SMOC1: variants seen among roughly 807,000 people sequenced by gnomAD.
SMOC1 encodes the protein SPARC-related modular calcium-binding protein 1.
A neutral mutation model predicts 56.3 loss-of-function variants in SMOC1; 22 were observed. The ratio of observed to expected loss-of-function variants is 0.39; its 90% confidence interval spans 0.28 to 0.56. The LOEUF is 0.56. SMOC1 is among the 20% of genes least tolerant of loss of function. The pLI, the probability that SMOC1 is intolerant of heterozygous loss-of-function variation, is 0.61. For synonymous variants in SMOC1, 193 were observed against 215.0 expected, an observed-to-expected ratio of 0.90 and a Z score of 0.89; for missense variants, 509 against 565.4, an observed-to-expected ratio of 0.90 and a Z score of 1.01.
At chr14:69,922,296 A>T (rs756184906) in intron 1 of SMOC1, among the ~76,000 whole-genome samples, 3 of 152,242 alleles carry the variant, frequency 2.0e-5, no homozygotes, top group Admixed American at 6.5e-5. Flanking sequence ...CCCAATAAAC[A>T]GTGGTGATGT....
At chr14:69,901,241 T>G (rs1170137861) in intron 1 of SMOC1, among the ~76,000 whole-genome samples, 4 of 152,222 alleles carry the variant, frequency 2.6e-5, no homozygotes, top group African/African-American at 9.6e-5. Context: ...ATTGTTAAGG[T>G]ACATTTGCCC....
At chr14:69,912,341 C>T (rs116371766) in intron 1 of SMOC1, among the ~76,000 whole-genome samples, 2,154 of 152,228 alleles carry the variant, frequency 0.014, 46 homozygotes, top group African/African-American at 0.049. Context: ...CTTGAACTCC[C>T]GGCTTCAAGC....
At chr14:69,892,003 G>A (rs145259482) in intron 1 of SMOC1, among the ~76,000 whole-genome samples, 68 of 152,192 alleles carry the variant, frequency 4.5e-4, no homozygotes, top group African/African-American at 1.6e-3. Flanking sequence ...GGGATGGTAA[G>A]TTTTTAAAAA....
chr14:69,947,859 C>T (rs1882847077), intron 1 of SMOC1, among the ~76,000 whole-genome samples: 1 of 152,214 alleles, frequency 6.6e-6, no homozygotes, highest in Admixed American at 6.5e-5. Context: ...TAGAACATGT[C>T]CATCATGGTG....
In SMOC1 at chr14:69,964,055, A is replaced by G. The variant is rs535015761; in HGVS notation, c.378+10523A>G. ...ACTCTCTGCTCTGTCCTGCTCTTCAATGGCTGTTTTCTAGCTGAATGGCCA... is the reference window on the plus strand; with the variant it reads ...ACTCTCTGCTCTGTCCTGCTCTTCAGTGGCTGTTTTCTAGCTGAATGGCCA... On this transcript the variant is annotated intron_variant, in intron 3 of 11. Transcript: ENST00000361956. Among the ~76,000 whole-genome samples, 17 of 152,222 alleles carry G rather than the reference A, an allele frequency of 1.1e-4. No homozygotes were observed. The South Asian group carries it at 3.5e-3, about 32-fold the overall frequency.
At chr14:70,015,627 G>A (rs1357796151) in intron 10 of SMOC1, among the ~76,000 whole-genome samples, 1 of 152,022 alleles carries the variant, frequency 6.6e-6, no homozygotes, top group Non-Finnish European at 1.5e-5. Flanking sequence ...TGGGGGCCAG[G>A]CCTCCTCCAG....
In SMOC1 at chr14:70,030,375, C is replaced by T. The variant is rs1012758803; in HGVS notation, c.*117C>T. ...CATCCCGTGTAACATAAGTGGTGCC[C>T]ACCATGTTTGCACTTTTAATAACTC... is the stretch of plus-strand genomic sequence containing the variant. On this transcript the variant is annotated 3_prime_UTR_variant, in exon 12 of 12. Coordinates refer to ENST00000361956, the MANE Select transcript of SMOC1 (RefSeq NM_001034852.3). 1 of 1,341,778 alleles carries T rather than the reference C, an allele frequency of 7.5e-7. No individual in the cohort carries two copies. The highest frequency in any genetic ancestry group is 2.1e-4 in the Middle Eastern group (1 of 4,716). The allele number at this position is 1,341,778 out of a possible 1,614,324, so 83.1% of individuals were successfully genotyped here.
chr14:69,881,269 C>T (rs1883630151), intron 1 of SMOC1, among the ~76,000 whole-genome samples: 1 of 152,124 alleles, frequency 6.6e-6, no homozygotes, highest in African/African-American at 2.4e-5. Context: ...TGCGTTCCCT[C>T]CAATAATTAG....
chr14:69,932,216 C>T (rs953617890), intron 1 of SMOC1, among the ~76,000 whole-genome samples: 2 of 152,238 alleles, frequency 1.3e-5, no homozygotes, highest in African/African-American at 4.8e-5. Flanking sequence ...GTTTTGCCTG[C>T]AGATGTGTGA....
chr14:69,912,684 C>T (rs1300914757), intron 1 of SMOC1, among the ~76,000 whole-genome samples: 1 of 152,144 alleles, frequency 6.6e-6, no homozygotes, highest in East Asian at 1.9e-4. Flanking sequence ...TTCTCAAGGT[C>T]ACAAGATGGT....
chr14:70,013,570 G>C, intron 10 of SMOC1, 79 bp downstream of exon 10: 1 of 1,221,246 alleles, frequency 8.2e-7, no homozygotes, highest in East Asian at 2.3e-5. Flanking sequence ...GAGGGTGAGA[G>C]AGTGGGCAGG....
intron 1 of SMOC1, among the ~76,000 whole-genome samples, chr14:69,888,325 G>A (rs986642884): frequency 1.3e-5 from 2 of 152,154 alleles, no homozygotes; most frequent in South Asian, 2.1e-4. Flanking sequence ...AACATCATTC[G>A]GAATTCAGTT....
intron 1 of SMOC1, among the ~76,000 whole-genome samples, chr14:69,913,592 C>A (rs550417108): frequency 1.3e-5 from 2 of 152,214 alleles, no homozygotes; most frequent in Non-Finnish European, 2.9e-5. Context: ...ATCTGACCAA[C>A]CTACTTGGAA....
chr14:69,977,531 C>A (rs1228251538), intron 4 of SMOC1, among the ~76,000 whole-genome samples: 1 of 152,132 alleles, frequency 6.6e-6, no homozygotes, highest in Non-Finnish European at 1.5e-5. Context: ...TTTCAGTTGG[C>A]CTTGCTGACT....
intron 1 of SMOC1, among the ~76,000 whole-genome samples, chr14:69,925,457 G>A (rs190390288): frequency 1.5e-3 from 226 of 152,202 alleles, no homozygotes; most frequent in African/African-American, 5.1e-3. Flanking sequence ...CTCCCCTAGA[G>A]TCTCTTTGCA....
At chr14:70,000,619 C>T (rs1229126830) in intron 7 of SMOC1, among the ~76,000 whole-genome samples, 1 of 152,196 alleles carries the variant, frequency 6.6e-6, no homozygotes, top group African/African-American at 2.4e-5. Context: ...AAAATGCCTC[C>T]ATGCTATATT....
At chr14:69,947,572 TTC>T (rs1031416768) in intron 1 of SMOC1, among the ~76,000 whole-genome samples, 30 of 152,216 alleles carry the variant, frequency 2.0e-4, no homozygotes, top group African/African-American at 7.2e-4. Context: ...TTTTTCTTTT[TTC>T]TCTTTTTTGT....
chr14:70,029,690 T>C (rs1886067557), intron 11 of SMOC1, among the ~76,000 whole-genome samples: 1 of 152,162 alleles, frequency 6.6e-6, no homozygotes, highest in African/African-American at 2.4e-5. Context: ...CTTGGCAGTT[T>C]CCCCCAGGCA....
chr14:69,937,895 C>T (rs1480135450), intron 1 of SMOC1, among the ~76,000 whole-genome samples: 1 of 152,210 alleles, frequency 6.6e-6, no homozygotes, highest in Non-Finnish European at 1.5e-5. Context: ...GTTAAACACA[C>T]ACAGCCCCAA....
Sources: gnomAD v4.1 joint callset for allele counts (sites outside exome capture counted in the v4.1 genomes callset) on GRCh38, gnomAD v4.1.1 for gene constraint, MANE v1.5 for transcripts, NCBI Gene and HGNC (gene_info 2026-07-23, HGNC 2026-07-21) for gene names.